INPP4B: variants seen among roughly 807,000 people sequenced by gnomAD.
INPP4B encodes inositol polyphosphate-4-phosphatase type II B, also known as inositol polyphosphate 4-phosphatase type II.
Under a neutral mutation model 122.5 loss-of-function variants are expected in INPP4B, and 55 were observed. The ratio of observed to expected loss-of-function variants is 0.45; its 90% CI spans 0.36 to 0.56. The LOEUF (loss-of-function observed/expected upper bound fraction) is 0.56. Ranked by LOEUF, INPP4B falls within the 20% of genes least tolerant of loss-of-function variation. The pLI is 0.00. For synonymous variants in INPP4B, 403 were observed against 388.7 expected, an observed-to-expected ratio of 1.04 and a Z score of -0.43; for missense variants, 1,000 against 1,097.7, an observed-to-expected ratio of 0.91 and a Z score of 1.26.
intron 11 of INPP4B, among the ~76,000 whole-genome samples, chr4:142,250,314 A>G (rs907030557): frequency 3.9e-5 from 6 of 152,200 alleles, no homozygotes; most frequent in Non-Finnish European, 8.8e-5. Context: ...GATTTATACC[A>G]AAATCGCTAG....
intron 14 of INPP4B, among the ~76,000 whole-genome samples, chr4:142,198,589 C>T (rs1839380246): frequency 6.6e-6 from 1 of 151,512 alleles, no homozygotes; most frequent in East Asian, 1.9e-4. Flanking sequence ...CCTTTTCTTT[C>T]CACTCTGTTC....
intron 15 of INPP4B, among the ~76,000 whole-genome samples, chr4:142,178,093 T>C (rs1256420734): frequency 6.6e-6 from 1 of 152,132 alleles, no homozygotes; most frequent in African/African-American, 2.4e-5. Context: ...CAGCTTAACC[T>C]GTCCCAAACT....
At chr4:142,629,055 A>G (rs755983962) in intron 2 of INPP4B, among the ~76,000 whole-genome samples, 5 of 152,064 alleles carry the variant, frequency 3.3e-5, no homozygotes, top group Non-Finnish European at 7.4e-5. Context: ...AGAATATGCT[A>G]TTTTGATGAG....
intron 2 of INPP4B, among the ~76,000 whole-genome samples, chr4:142,609,297 G>T (rs1451796506): frequency 6.6e-6 from 1 of 151,864 alleles, no homozygotes; most frequent in African/African-American, 2.4e-5. Context: ...GCATGCTGAG[G>T]TTGCCTACTA....
intron 1 of INPP4B, among the ~76,000 whole-genome samples, chr4:142,756,694 T>C (rs184182732): frequency 7.9e-5 from 12 of 152,198 alleles, no homozygotes; most frequent in African/African-American, 1.4e-4. Flanking sequence ...GAAAAGAGTA[T>C]GATAAATAAA....
At chr4:142,164,532 C>T (rs892256479) in intron 16 of INPP4B, among the ~76,000 whole-genome samples, 6 of 151,674 alleles carry the variant, frequency 4.0e-5, no homozygotes, top group African/African-American at 1.5e-4. Flanking sequence ...TCAACATTCC[C>T]TAAAGGAAAG....
At chr4:142,135,924 G>A (rs886443109) in intron 18 of INPP4B, among the ~76,000 whole-genome samples, 2 of 152,096 alleles carry the variant, frequency 1.3e-5, no homozygotes, top group Non-Finnish European at 2.9e-5. Context: ...AGCCTCCTGA[G>A]TATCTGGGAC....
Position 142,524,648 on chromosome 4 carries a change from C to T in INPP4B, c.-190-61922G>A, listed in dbSNP as rs1308576111. ...CCAAAGACAAAAACCACATGATTAT[C>T]TCAATAGATGCAGAAAAGGCCTTTG... On this transcript the variant is annotated intron_variant, in intron 2 of 25. Transcript: ENST00000262992. Among the ~76,000 whole-genome samples, 37 of 152,242 alleles carry T rather than the reference C, an allele frequency of 2.4e-4. No individual in the cohort carries two copies. The South Asian group carries it at 7.5e-3, about 31-fold the overall frequency.
At chr4:142,533,417 G>C (rs1487583445) in intron 2 of INPP4B, among the ~76,000 whole-genome samples, 1 of 151,944 alleles carries the variant, frequency 6.6e-6, no homozygotes, top group African/African-American at 2.4e-5. Flanking sequence ...TGATTTTTAA[G>C]AAAGAGGAAT....
Position 142,770,185 on chromosome 4 carries a change from T to C in INPP4B, c.-253-44284A>G, listed in dbSNP as rs114007995. ...GTTGTTTGCCTAGTTGGTTGGTTGG[T>C]TTACAAAATCAGATCACTTCTTGGT... On this transcript the variant is annotated intron_variant, in intron 1 of 25. Coordinates refer to ENST00000262992, the MANE Select transcript of INPP4B (RefSeq NM_001101669.3). Among the ~76,000 whole-genome samples the C allele has an allele frequency of 4.6e-3, 704 of 152,288 alleles. 7 individuals are homozygous for C. Among genetic ancestry groups the C allele is most frequent in the African/African-American group, 0.016 (672 of 41,568 alleles).
intron 1 of INPP4B, among the ~76,000 whole-genome samples, chr4:142,842,634 T>C (rs1783645886): frequency 7.4e-6 from 1 of 135,150 alleles, no homozygotes; most frequent in African/African-American, 2.7e-5. Flanking sequence ...TATATAATAA[T>C]CCTAACATAA....
intron 2 of INPP4B, among the ~76,000 whole-genome samples, chr4:142,537,746 T>A (rs1382904833): frequency 2.4e-5 from 2 of 83,484 alleles, no homozygotes; most frequent in Non-Finnish European, 4.8e-5. Flanking sequence ...TATGAGTGTG[T>A]GTGTGTGTGT....
At chr4:142,306,474 C>T (rs1763410165) in intron 8 of INPP4B, among the ~76,000 whole-genome samples, 1 of 152,184 alleles carries the variant, frequency 6.6e-6, no homozygotes, top group African/African-American at 2.4e-5. Context: ...CCAGAACAGT[C>T]TCTCATCATA....
At chr4:142,681,921 A>C (rs998703922) in intron 2 of INPP4B, among the ~76,000 whole-genome samples, 5 of 151,800 alleles carry the variant, frequency 3.3e-5, no homozygotes, top group Non-Finnish European at 7.4e-5. Context: ...ATGTATACTT[A>C]CCTAAAATTC....
intron 3 of INPP4B, among the ~76,000 whole-genome samples, chr4:142,439,662 TAAGA>T (rs769488562): frequency 6.6e-6 from 1 of 152,164 alleles, no homozygotes; most frequent in Non-Finnish European, 1.5e-5. Flanking sequence ...AGCATACAAG[TAAGA>T]AAGAAACTCT....
At chr4:142,247,175 A>T (rs553869233) in intron 11 of INPP4B, among the ~76,000 whole-genome samples, 1 of 152,254 alleles carries the variant, frequency 6.6e-6, no homozygotes, top group Admixed American at 6.5e-5. Flanking sequence ...GCTTTTTGAT[A>T]TGCTGCTGGA....
intron 7 of INPP4B, among the ~76,000 whole-genome samples, chr4:142,350,063 C>T (rs532500419): frequency 2.0e-5 from 3 of 152,002 alleles, no homozygotes; most frequent in East Asian, 1.9e-4. Flanking sequence ...GCTACCTCTT[C>T]GGCGCTTAGA....
In INPP4B at chr4:142,216,613, G is replaced by A. The variant is rs191370958; in HGVS notation, c.837-7587C>T. On this transcript the variant is annotated intron_variant, in intron 12 of 25. Coordinates refer to ENST00000262992, the MANE Select transcript of INPP4B (RefSeq NM_001101669.3). ...GAAGTACTTTTTGTCTATATGGATCGTTTTGTCTTACTGTGTTTAAATATT... is the reference window on the plus strand; with the variant it reads ...GAAGTACTTTTTGTCTATATGGATCATTTTGTCTTACTGTGTTTAAATATT... 2.2e-4 allele frequency among the ~76,000 whole-genome samples: 34 copies of A among 152,126 alleles called. 1 individual carries two copies. In the East Asian group the frequency reaches 5.6e-3, roughly 25 times the overall value.
chr4:142,743,134 G>C (rs1235767050), intron 1 of INPP4B, among the ~76,000 whole-genome samples: 1 of 151,934 alleles, frequency 6.6e-6, no homozygotes, highest in East Asian at 1.9e-4. Context: ...CAACCAAAAA[G>C]TGGCCAAAAT....
Sources: gnomAD v4.1 joint callset for allele counts (sites outside exome capture counted in the v4.1 genomes callset) on GRCh38, gnomAD v4.1.1 for gene constraint, MANE v1.5 for transcripts, NCBI Gene and HGNC (gene_info 2026-07-23, HGNC 2026-07-21) for gene names.